ABCA7: variants seen among roughly 807,000 people sequenced by gnomAD.
ABCA7 encodes the protein phospholipid-transporting ATPase ABCA7.
Under a neutral mutation model 227.6 loss-of-function variants are expected in ABCA7, and 261 were observed. The ratio of observed to expected loss-of-function variants is 1.15; its 90% CI spans 1.04 to 1.27. The LOEUF (loss-of-function observed/expected upper bound fraction) is 1.27, where lower values mean the gene tolerates loss of function less well. Ranked by LOEUF, ABCA7 falls within the 50% of genes most tolerant of loss-of-function variation. The pLI, the probability that ABCA7 is intolerant of heterozygous loss-of-function variation, is 0.00. For missense variants in ABCA7, 3,331 were observed against 2,924.5 expected, an observed-to-expected ratio of 1.14 and a Z score of -3.21; for synonymous variants, 1,488 against 1,279.7, an observed-to-expected ratio of 1.16 and a Z score of -3.47.
intron 13 of ABCA7, 41 bp from the exon 14 acceptor site, chr19:1,046,761 C>T (rs1308855949): frequency 2.0e-6 from 3 of 1,515,306 alleles, no homozygotes; most frequent in Non-Finnish European, 2.7e-6. Context: ...GGGGGGTCTG[C>T]GGAGGGTCTC....
Position 1,044,574 on chromosome 19 carries a change from C to T in ABCA7, c.1048-3C>T, listed in dbSNP as rs1343554930. ...GACTCTCACTTTCACCTGCGCCCCC[C>T]AGCGGCTCCTGCAGATGCAGGATGA... On this transcript the variant is annotated splice_region_variant and splice_polypyrimidine_tract_variant and intron_variant, in intron 10 of 46. Transcript: ENST00000263094. 1 of 1,610,520 alleles carries T rather than the reference C, an allele frequency of 6.2e-7. No homozygotes were observed. The highest frequency in any genetic ancestry group is 8.5e-7 in the Non-Finnish European group (1 of 1,178,532).
Position 1,054,954 on chromosome 19 carries a change from T to G in ABCA7, c.3950+76T>G. The G allele has an allele frequency of 1.3e-6, 2 of 1,550,916 alleles. No homozygotes were observed. Among genetic ancestry groups the G allele is most frequent in the Non-Finnish European group, 1.7e-6 (2 of 1,142,974 alleles). On this transcript the variant is annotated intron_variant, in intron 29 of 46. Transcript: ENST00000263094. The surrounding 1 kb of genome is among the most constrained non-coding windows in gnomAD (Gnocchi z 4.8). Reference sequence around the variant, plus strand: ...CCATCTGGTCCCTGGCCAGGGAGCCTCAGGGGGCACCTGGAGCATCCCCTG... The same window carrying G: ...CCATCTGGTCCCTGGCCAGGGAGCCGCAGGGGGCACCTGGAGCATCCCCTG...
rs1156280661 is a variant in ABCA7, at chr19:1,062,220, T to C, written c.5619T>C (p.Pro1873=). Reference sequence around the variant, plus strand: ...CGCACCTCAGCATGGGATACTGCCCTCAATCCGATGCCATCTTTGAGCTGC... The same window carrying C: ...CGCACCTCAGCATGGGATACTGCCCCCAATCCGATGCCATCTTTGAGCTGC... ...SAAHLSMGYC[P]QSDAIFELLT... The change falls in exon 42 of 47, where the codon CCT becomes CCC. Residue 1873 remains proline (P), a synonymous_variant. Transcript: ENST00000263094. 1 of 1,612,398 alleles carries C rather than the reference T, an allele frequency of 6.2e-7. No homozygotes were observed. Among genetic ancestry groups the C allele is most frequent in the Non-Finnish European group, 8.5e-7 (1 of 1,179,808 alleles).
At chr19:1,063,990 G>C in intron 44 of ABCA7, 127 bp downstream of exon 44, 2 of 1,361,540 alleles carry the variant, frequency 1.5e-6, no homozygotes, top group Admixed American at 2.6e-5. Context: ...CCAGGCCCCG[G>C]GGTGTAAGGA....
intron 18 of ABCA7, 140 bp from the exon 19 acceptor site, chr19:1,050,781 A>AT (rs1261036915): frequency 4.8e-5 from 19 of 399,062 alleles, no homozygotes; most frequent in East Asian, 4.0e-4. Context: ...CTCCGTCTCA[A>AT]AAATAATAAT....
chr19:1,062,385 G>C (rs1344645580), intron 42 of ABCA7, 72 bp downstream of exon 42: 45 of 1,567,170 alleles, frequency 2.9e-5, no homozygotes, highest in Non-Finnish European at 3.8e-5. Flanking sequence ...TCTAAAGCCT[G>C]GCCCAATCCC....
chr19:1,043,930 A>ACT, intron 10 of ABCA7, 89 bp downstream of exon 10: 19 of 987,614 alleles, frequency 1.9e-5, no homozygotes, highest in East Asian at 1.2e-4. Flanking sequence ...CTCCGTGCAG[A>ACT]CCCCCACTTT....
chr19:1,055,870 C>T, intron 30 of ABCA7, 37 bp from the exon 31 acceptor site: 1 of 1,542,722 alleles, frequency 6.5e-7, no homozygotes, highest in Non-Finnish European at 8.8e-7. Flanking sequence ...TGTCCCACAT[C>T]CCTGTCTGCC....
chr19:1,050,036 T>C (rs913022668), intron 18 of ABCA7, among the ~76,000 whole-genome samples: 2 of 124,188 alleles, frequency 1.6e-5, no homozygotes, highest in Admixed American at 1.7e-4. Flanking sequence ...GAGCTCCCTG[T>C]GAGGCCCCCG....
intron 44 of ABCA7, 94 bp from the exon 45 acceptor site, chr19:1,064,067 C>T (rs982011572): frequency 1.5e-5 from 21 of 1,401,314 alleles, no homozygotes; most frequent in Non-Finnish European, 1.8e-5. Context: ...ATGTCCACAC[C>T]AGAAGGGTGG....
chr19:1,054,284 C>T lies in ABCA7; in HGVS notation c.3669C>T (p.Ala1223=), dbSNP rs921757322. ...CACTGACCCGCCAGCAGCTCCAGGC[C>T]CTGCTTCTCAAGCGCTTTCTGCTTG... ...GWALTRQQLQ[A]LLLKRFLLAR... Residue 1223 remains alanine, a synonymous_variant, in exon 27 of 47, where the codon GCC becomes GCT. Coordinates refer to ENST00000263094, the MANE Select transcript of ABCA7 (RefSeq NM_019112.4). This position sits in a 1 kb window ranked among gnomAD's most constrained non-coding sequence, Gnocchi z 4.8. 4.4e-6 allele frequency: 7 copies of T among 1,607,810 alleles called. No homozygotes were observed. The highest frequency in any genetic ancestry group is 1.7e-4 in the Middle Eastern group (1 of 6,042).
In ABCA7 at chr19:1,046,895, G is replaced by T; in HGVS notation, c.1716G>T (p.Glu572Asp). The T allele has an allele frequency of 1.3e-6, 2 of 1,552,204 alleles. No individual in the cohort carries two copies. The highest frequency in any genetic ancestry group is 1.4e-5 in the African/African-American group (1 of 73,166). Reference protein sequence around the residue: ...VTLTVKAVVREKETRLRDTMR... With the variant: ...VTLTVKAVVRDKETRLRDTMR... ...TGACAGTGAAGGCCGTGGTGCGGGAGAAGGAGACGCGGCTGCGGGACACCA... is the reference window on the plus strand; with the variant it reads ...TGACAGTGAAGGCCGTGGTGCGGGATAAGGAGACGCGGCTGCGGGACACCA... The change falls in exon 14 of 47, where the codon GAG (glutamate) becomes GAT (aspartate). Residue 572 changes from glutamate (E) to aspartate (D), a missense_variant. Glu to Asp is a conservative substitution (Grantham distance 45). Coordinates refer to ENST00000263094, the MANE Select transcript of ABCA7 (RefSeq NM_019112.4).
Position 1,047,238 on chromosome 19 carries a change from A to G in ABCA7, c.1927A>G (p.Ser643Gly). The change falls in exon 15 of 47, where the codon AGC becomes GGC. Residue 643 changes from serine (S) to glycine (G), a missense_variant. Physicochemically the swap from Ser to Gly is moderately conservative, Grantham distance 56. Coordinates refer to ENST00000263094, the MANE Select transcript of ABCA7 (RefSeq NM_019112.4). The stretch of plus-strand genomic sequence containing the variant: ...CTTCGCGGTGGCCACGGTGACCCAG[A>G]GCTTCCTGCTCAGCGCCTTCTTCTC... ...AAFAVATVTQ[S>G]FLLSAFFSRA... The G allele has an allele frequency of 6.2e-7, 1 of 1,607,712 alleles. No individual in the cohort carries two copies. The highest frequency in any genetic ancestry group is 8.5e-7 in the Non-Finnish European group (1 of 1,179,250).
At position 1,043,472 on chromosome 19, in the gene ABCA7, A is replaced by C. The variant is rs1176960012; in HGVS notation, c.929A>C (p.Gln310Pro). 4 of 1,609,894 alleles carry C rather than the reference A, an allele frequency of 2.5e-6. No homozygotes were observed. The highest frequency in any genetic ancestry group is 3.4e-6 in the Non-Finnish European group (4 of 1,177,984). Reference protein sequence around the residue: ...DTPFTRKLMAQVNRTFEELTL... With the variant: ...DTPFTRKLMAPVNRTFEELTL... ...CCTTTTACCCGGAAGCTCATGGCCC[A>C]GGTGGGGGCAGCCTGGATGCTGGGG... The change falls in exon 9 of 47, where the codon CAG becomes CCG. Residue 310 changes from glutamine (Q) to proline (P), a missense_variant and splice_region_variant. Physicochemically the swap from Gln to Pro is moderately conservative, Grantham distance 76. Coordinates refer to ENST00000263094, the MANE Select transcript of ABCA7 (RefSeq NM_019112.4).
chr19:1,064,464 C>A (rs998100807), intron 45 of ABCA7, among the ~76,000 whole-genome samples: 1 of 151,890 alleles, frequency 6.6e-6, no homozygotes, highest in Non-Finnish European at 1.5e-5. Context: ...GAGCCGGGGG[C>A]TCTGGGTGGA....
At position 1,041,956 on chromosome 19, in the gene ABCA7, A is replaced by G. The variant is rs757154663; in HGVS notation, c.286A>G (p.Asn96Asp). ...GGGCGAGGAGCCCGGGCGCCTGAGC[A>G]ACTTCAACGACTCCCTGTGAGCCAG... The part of the protein sequence containing the change: ...TPGEEPGRLS[N>D]FNDSLVSRLL... The change falls in exon 4 of 47, where the codon AAC becomes GAC. Residue 96 changes from asparagine (N) to aspartate (D), a missense_variant. Asn to Asp is a conservative substitution (Grantham distance 23, BLOSUM62 1). Coordinates refer to ENST00000263094, the MANE Select transcript of ABCA7 (RefSeq NM_019112.4). 1.3e-6 allele frequency: 2 copies of G among 1,587,042 alleles called. No homozygotes were observed. Among genetic ancestry groups the G allele is most frequent in the Non-Finnish European group, 1.7e-6 (2 of 1,172,430 alleles).
chr19:1,057,291 G>A (rs768043395), intron 34 of ABCA7, 23 bp from the exon 35 acceptor site: 1 of 1,612,112 alleles, frequency 6.2e-7, no homozygotes, highest in Non-Finnish European at 8.5e-7. Context: ...GGCTGATAAA[G>A]GTAACTGCCA....
chr19:1,055,462 G>A, intron 30 of ABCA7, 111 bp downstream of exon 30: 1 of 1,328,224 alleles, frequency 7.5e-7, no homozygotes, highest in Non-Finnish European at 9.9e-7. Flanking sequence ...CCCAGCTTGG[G>A]GCTACGGGCT....
intron 41 of ABCA7, 37 bp from the exon 42 acceptor site, chr19:1,062,135 A>G: frequency 1.2e-6 from 2 of 1,607,512 alleles, no homozygotes; most frequent in East Asian, 2.2e-5. Flanking sequence ...GTCAGGGACT[A>G]GCCAGCTCTC....
Sources: allele counts gnomAD v4.1 joint callset (sites outside exome capture counted in the v4.1 genomes callset), GRCh38; gene constraint gnomAD v4.1.1; non-coding constraint Gnocchi (gnomAD v3.1); transcripts MANE v1.5; gene names NCBI Gene and HGNC (gene_info 2026-07-23, HGNC 2026-07-21).